The following HDAC9 variants were observed in gnomAD, a reference collection of about 807,000 sequenced individuals.
HDAC9 encodes MEF-2 interacting transcription repressor (MITR) protein.
A neutral mutation model predicts 139.4 loss-of-function variants in HDAC9; 41 were observed. That is an observed-to-expected ratio of 0.29 (90% confidence interval 0.23 to 0.38). The LOEUF is 0.38. HDAC9 is among the 10% of genes least tolerant of loss of function. The pLI is 1.00. For missense variants in HDAC9, 1,147 were observed against 1,297.0 expected, an observed-to-expected ratio of 0.88 and a Z score of 1.78; for synonymous variants, 517 against 476.2, an observed-to-expected ratio of 1.09 and a Z score of -1.12.
At chr7:18,695,211 C>T (rs1008920282) in intron 12 of HDAC9, among the ~76,000 whole-genome samples, 1 of 152,110 alleles carries the variant, frequency 6.6e-6, no homozygotes, top group Non-Finnish European at 1.5e-5. Context: ...TTAGCAATGA[C>T]ATCTGCAGTT....
chr7:18,170,159 G>A (rs1788313483), intron 2 of HDAC9, among the ~76,000 whole-genome samples: 1 of 152,174 alleles, frequency 6.6e-6, no homozygotes, highest in African/African-American at 2.4e-5. Flanking sequence ...ATTCTAACTG[G>A]TGTGAGATGG....
chr7:18,392,630 T>A (rs549649531), intron 1 of HDAC9, among the ~76,000 whole-genome samples: 1 of 152,256 alleles, frequency 6.6e-6, no homozygotes, highest in East Asian at 1.9e-4. Context: ...GGTAAGAGAT[T>A]GACCTCTGTG....
intron 21 of HDAC9, among the ~76,000 whole-genome samples, chr7:18,872,943 C>T (rs1021755761): frequency 2.0e-5 from 3 of 152,098 alleles, no homozygotes; most frequent in Non-Finnish European, 2.9e-5. Context: ...TAGAAGCATC[C>T]ATTCTCTAAA....
At chr7:18,579,791 C>CTGTG (rs3084516) in intron 2 of HDAC9, among the ~76,000 whole-genome samples, 8,761 of 150,302 alleles carry the variant, frequency 0.058, 272 homozygotes, top group East Asian at 0.094. Context: ...TTTTCCATGC[C>CTGTG]TGTGTGTGTG....
At chr7:18,936,086 T>C in intron 23 of HDAC9, 144 bp downstream of exon 23, 4 of 766,212 alleles carry the variant, frequency 5.2e-6, no homozygotes, top group Non-Finnish European at 8.2e-6. Context: ...CTTAGATAAG[T>C]TTACATGTTC....
intron 12 of HDAC9, among the ~76,000 whole-genome samples, chr7:18,726,634 C>T (rs1460405794): frequency 6.6e-6 from 1 of 151,210 alleles, no homozygotes; most frequent in Non-Finnish European, 1.5e-5. Flanking sequence ...TTATGAACTC[C>T]CTCATGTTGA....
At chr7:18,408,099 T>G (rs1270858821) in intron 1 of HDAC9, among the ~76,000 whole-genome samples, 3 of 152,104 alleles carry the variant, frequency 2.0e-5, no homozygotes, top group African/African-American at 7.2e-5. Flanking sequence ...TGGCGCAAAG[T>G]TGGTACTCAA....
intron 1 of HDAC9, among the ~76,000 whole-genome samples, chr7:18,118,198 C>A (rs984661295): frequency 6.6e-6 from 1 of 152,196 alleles, no homozygotes; most frequent in Non-Finnish European, 1.5e-5. Context: ...CACAAATGAG[C>A]CAAGTAATCA....
rs116012694 is a variant in HDAC9 at position 18,203,261 on chromosome 7, G to A, written c.25+40912G>A. On this transcript the variant is annotated intron_variant, in intron 2 of 12. Coordinates refer to the HDAC9 transcript ENST00000417496. ...TAATAAATAACCTGACTTCTTTGAT[G>A]GTCTACGTGAAATATGAGGATTTCA... is the stretch of plus-strand genomic sequence containing the variant. 3.0e-3 allele frequency among the ~76,000 whole-genome samples: 452 copies of A among 152,248 alleles called. 2 individuals are homozygous for A. The highest frequency in any genetic ancestry group is 0.01 in the African/African-American group (417 of 41,552).
chr7:18,706,048 C>A (rs910602674), intron 12 of HDAC9, among the ~76,000 whole-genome samples: 6 of 151,698 alleles, frequency 4.0e-5, no homozygotes, highest in South Asian at 2.1e-4. Flanking sequence ...GACGTGAATC[C>A]TTTCCCCAGT....
At chr7:18,118,056 C>T (rs561478852) in intron 1 of HDAC9, among the ~76,000 whole-genome samples, 2 of 152,292 alleles carry the variant, frequency 1.3e-5, no homozygotes, top group East Asian at 3.9e-4. Flanking sequence ...TTAAACTCCT[C>T]TGAGTAATAA....
At chr7:18,539,343 C>G (rs1811962099) in intron 2 of HDAC9, among the ~76,000 whole-genome samples, 2 of 152,062 alleles carry the variant, frequency 1.3e-5, no homozygotes, top group Admixed American at 6.5e-5. Flanking sequence ...AATACTTGAT[C>G]AGGAATCTTC....
chr7:18,411,742 A>T (rs1043390746), intron 1 of HDAC9, among the ~76,000 whole-genome samples: 1 of 151,790 alleles, frequency 6.6e-6, no homozygotes, highest in African/African-American at 2.4e-5. Context: ...AAGTTTTCTG[A>T]AGAAATTTAA....
chr7:18,208,754 T>C (rs1281437140), intron 2 of HDAC9, among the ~76,000 whole-genome samples: 7 of 152,116 alleles, frequency 4.6e-5, no homozygotes, highest in Admixed American at 4.6e-4. Context: ...TTTATCTAGC[T>C]GTCAATGAGA....
intron 6 of HDAC9, among the ~76,000 whole-genome samples, chr7:18,614,854 A>G (rs1741811316): frequency 6.6e-6 from 1 of 152,172 alleles, no homozygotes; most frequent in Non-Finnish European, 1.5e-5. Flanking sequence ...CTGCCAAATA[A>G]TATGTTCTGG....
chr7:18,255,679 C>T (rs1322119130), intron 2 of HDAC9, among the ~76,000 whole-genome samples: 6 of 127,994 alleles, frequency 4.7e-5, no homozygotes, highest in Middle Eastern at 6.3e-3. Flanking sequence ...CCCAGGCGGG[C>T]GCGCGGTGAC....
intron 1 of HDAC9, among the ~76,000 whole-genome samples, chr7:18,121,423 G>A (rs1249037510): frequency 3.9e-5 from 6 of 151,976 alleles, no homozygotes; most frequent in Admixed American, 1.3e-4. Context: ...AGCACACAGA[G>A]CAAAGGCACC....
At chr7:18,541,141 GTTTTTT>G (rs10678670) in intron 2 of HDAC9, among the ~76,000 whole-genome samples, 1 of 65,452 alleles carries the variant, frequency 1.5e-5, no homozygotes, top group African/African-American at 6.8e-5. Flanking sequence ...AAGGAACCGT[GTTTTTT>G]TTTTTTTTTT....
chr7:18,303,373 A>ATT (rs1232879747), intron 1 of HDAC9, among the ~76,000 whole-genome samples: 1 of 95,454 alleles, frequency 1.0e-5, no homozygotes, highest in East Asian at 3.2e-4. Flanking sequence ...CGCCCAGCCA[A>ATT]TTTGTGTGTG....
Sources: gnomAD v4.1 joint callset for allele counts (sites outside exome capture counted in the v4.1 genomes callset) on GRCh38, gnomAD v4.1.1 for gene constraint, MANE v1.5 for transcripts, NCBI Gene and HGNC (gene_info 2026-07-23, HGNC 2026-07-21) for gene names.